Variants in L3MBTL4 observed in about 807,000 individuals in gnomAD.
L3MBTL4 encodes the protein L3MBTL histone methyl-lysine binding protein 4, also known as lethal(3)malignant brain tumor-like protein 4.
A neutral mutation model predicts 84.5 loss-of-function variants in L3MBTL4; 70 were observed. That is an observed-to-expected ratio of 0.83 (90% CI 0.68 to 1.01). The LOEUF (loss-of-function observed/expected upper bound fraction) is 1.01. Among genes scored for constraint, L3MBTL4 ranks in the 50% least tolerant of loss-of-function variants. The pLI, the probability that L3MBTL4 is intolerant of heterozygous loss-of-function variation, is 0.00. For synonymous variants in L3MBTL4, 274 were observed against 259.8 expected (o/e 1.05, Z -0.52); for missense variants, 715 against 754.8 (o/e 0.95, Z 0.62).
chr18:6,241,711 T>C (rs1020164828), intron 7 of L3MBTL4, among the ~76,000 whole-genome samples: 12 of 152,198 alleles, frequency 7.9e-5, no homozygotes, highest in Non-Finnish European at 1.5e-4. Flanking sequence ...AAACTGTTGA[T>C]AGTGCTTCCC....
intron 16 of L3MBTL4, among the ~76,000 whole-genome samples, chr18:5,974,930 T>C (rs144394733): frequency 6.6e-6 from 1 of 150,598 alleles, no homozygotes; most frequent in Non-Finnish European, 1.5e-5. Flanking sequence ...CACCACTGCA[T>C]CCCAGTTTGG....
At chr18:6,242,251 G>A (rs1568368225) in intron 7 of L3MBTL4, among the ~76,000 whole-genome samples, 1 of 152,122 alleles carries the variant, frequency 6.6e-6, no homozygotes. Context: ...CCCGGCGCCT[G>A]CTCCTGTTCT....
intron 1 of L3MBTL4, among the ~76,000 whole-genome samples, chr18:6,383,868 G>A (rs959120943): frequency 1.3e-5 from 2 of 152,108 alleles, no homozygotes; most frequent in African/African-American, 4.8e-5. Flanking sequence ...CTCTAATTGT[G>A]GGATAAAAAA....
At chr18:6,212,727 A>G (rs1248532537) in intron 12 of L3MBTL4, among the ~76,000 whole-genome samples, 1 of 152,266 alleles carries the variant, frequency 6.6e-6, no homozygotes, top group Non-Finnish European at 1.5e-5. Context: ...AAAAGAACTG[A>G]CAGTAAAAGT....
rs190317199 is a variant in L3MBTL4 at position 6,126,078 on chromosome 18, A to T, written c.1199+12116T>A. Among the ~76,000 whole-genome samples the T allele has an allele frequency of 1.3e-3, 192 of 152,314 alleles. 1 individual carries two copies. Among genetic ancestry groups the T allele is most frequent in the Middle Eastern group, 6.8e-3 (2 of 294 alleles). On this transcript the variant is annotated intron_variant, in intron 14 of 18. Coordinates refer to ENST00000317931, the MANE Select transcript of L3MBTL4 (RefSeq NM_001330559.2). Reference sequence around the variant, plus strand: ...TATTGAAGGACAAATGACAAAAAAAATCTGTATATTCTGTCTGATTCTACC... The same window carrying T: ...TATTGAAGGACAAATGACAAAAAAATTCTGTATATTCTGTCTGATTCTACC...
In L3MBTL4 at chr18:6,227,279, C is replaced by T. The variant is rs183690895; in HGVS notation, c.784+10685G>A. Among the ~76,000 whole-genome samples, 371 of 152,194 alleles carry T rather than the reference C, an allele frequency of 2.4e-3. 1 individual carries two copies. The highest frequency in any genetic ancestry group is 8.8e-3 in the African/African-American group (364 of 41,558). ...ACAGAAGACATGAACAACACTCAAC[C>T]GACTTGAACTAATTGATTATTGATG... is the stretch of plus-strand genomic sequence containing the variant. On this transcript the variant is annotated intron_variant, in intron 10 of 18. Transcript: ENST00000317931.
rs1389448244 is a variant in L3MBTL4, at chr18:6,414,909, C to A, written c.-199G>T. On this transcript the variant is annotated 5_prime_UTR_variant, in exon 1 of 19. Coordinates refer to ENST00000317931, the MANE Select transcript of L3MBTL4 (RefSeq NM_001330559.2). This position sits in a 1 kb window ranked among gnomAD's most constrained non-coding sequence, Gnocchi z 5.4. The stretch of plus-strand genomic sequence containing the variant: ...GCTGCGGCGCCGCTGCCCCGCGGTG[C>A]CCGGCGGGAGGGGCGCGAGGGTGCA... 1 of 149,526 alleles carries A rather than the reference C, an allele frequency of 6.7e-6. No individual in the cohort carries two copies. The highest frequency in any genetic ancestry group is 2.0e-4 in the East Asian group (1 of 5,104). The allele number at this position is 149,526 out of a possible 1,614,324, so 9.3% of individuals were successfully genotyped here.
chr18:6,145,175 A>T (rs1260487076), intron 13 of L3MBTL4, among the ~76,000 whole-genome samples: 1 of 152,244 alleles, frequency 6.6e-6, no homozygotes, highest in Non-Finnish European at 1.5e-5. Context: ...TCAAGGCAAA[A>T]ATCGAGAAAT....
chr18:6,216,027 C>T (rs544308187), intron 10 of L3MBTL4, among the ~76,000 whole-genome samples, 192 bp from the exon 11 acceptor site: 12 of 152,296 alleles, frequency 7.9e-5, no homozygotes, highest in African/African-American at 2.6e-4. Flanking sequence ...CATGCCTGCA[C>T]TCAAGCACTT....
chr18:6,025,054 A>T (rs963667950), intron 16 of L3MBTL4: 4 of 152,188 alleles, frequency 2.6e-5, no homozygotes, highest in Non-Finnish European at 4.4e-5. Context: ...TCAGCACCTC[A>T]GGGAGATCAT....
intron 10 of L3MBTL4, among the ~76,000 whole-genome samples, chr18:6,221,534 A>G (rs2046553152): frequency 6.6e-6 from 1 of 152,172 alleles, no homozygotes; most frequent in African/African-American, 2.4e-5. Context: ...AGTGACTCAT[A>G]CAAGGCAAGG....
intron 3 of L3MBTL4, among the ~76,000 whole-genome samples, chr18:6,303,196 G>T (rs2050421355): frequency 6.6e-6 from 1 of 151,928 alleles, no homozygotes; most frequent in East Asian, 1.9e-4. Flanking sequence ...CACAATCTCG[G>T]CTCACTGCAA....
chr18:6,083,168 G>A (rs1053831756), intron 15 of L3MBTL4, among the ~76,000 whole-genome samples: 5 of 152,272 alleles, frequency 3.3e-5, no homozygotes, highest in African/African-American at 1.2e-4. Context: ...CCTTCCAATA[G>A]CGTACAGTTT....
intron 12 of L3MBTL4, among the ~76,000 whole-genome samples, chr18:6,204,372 G>A (rs1337549031): frequency 2.0e-5 from 3 of 152,274 alleles, no homozygotes; most frequent in South Asian, 4.1e-4. Flanking sequence ...TTGGGCTGGG[G>A]CCCCCACCCC....
intron 14 of L3MBTL4, among the ~76,000 whole-genome samples, chr18:6,133,682 T>A (rs1247042351): frequency 6.6e-6 from 1 of 151,890 alleles, no homozygotes; most frequent in Admixed American, 6.6e-5. Context: ...AACCATCAGG[T>A]GATGGTCAGG....
chr18:6,321,713 A>G (rs2051413255), intron 1 of L3MBTL4, among the ~76,000 whole-genome samples: 1 of 152,228 alleles, frequency 6.6e-6, no homozygotes. Context: ...AATACCACTC[A>G]GCCATAAAAA....
intron 13 of L3MBTL4, among the ~76,000 whole-genome samples, chr18:6,155,455 C>T (rs752860222): frequency 6.6e-6 from 1 of 152,122 alleles, no homozygotes; most frequent in Non-Finnish European, 1.5e-5. Flanking sequence ...ATATGCCATC[C>T]TGTGAGTGGG....
intron 14 of L3MBTL4, among the ~76,000 whole-genome samples, chr18:6,103,143 G>T (rs1019310405): frequency 6.6e-6 from 1 of 152,126 alleles, no homozygotes; most frequent in Non-Finnish European, 1.5e-5. Flanking sequence ...AAGATCTGAT[G>T]AATAGAATCT....
intron 4 of L3MBTL4, among the ~76,000 whole-genome samples, chr18:6,293,248 AAC>A (rs910487523): frequency 2.6e-5 from 4 of 152,172 alleles, no homozygotes; most frequent in African/African-American, 9.7e-5. Flanking sequence ...AATAGCAATG[AAC>A]ACACCTAGCC....
Sources: allele counts gnomAD v4.1 joint callset (sites outside exome capture counted in the v4.1 genomes callset), GRCh38; gene constraint gnomAD v4.1.1; non-coding constraint Gnocchi (gnomAD v3.1); transcripts MANE v1.5; gene names NCBI Gene and HGNC (gene_info 2026-07-23, HGNC 2026-07-21).